CHLSN: variants seen among roughly 807,000 people sequenced by gnomAD.
The protein encoded by CHLSN is protein cholesin.
At chr7:1,021,143 C>T in the CHLSN span, among the ~76,000 whole-genome samples, 6 of 151,702 alleles carry the variant, frequency 4.0e-5, no homozygotes, top group African/African-American at 7.3e-5. Context: ...TGGAGACATT[C>T]CAGTAGGGAC....
chr7:1,115,592 G>GA, the CHLSN span, among the ~76,000 whole-genome samples: 3 of 102,338 alleles, frequency 2.9e-5, no homozygotes, highest in African/African-American at 1.1e-4. Flanking sequence ...AGGCAGGATG[G>GA]CATCACTACA....
At chr7:1,098,098 A>T in the CHLSN span, among the ~76,000 whole-genome samples, 1 of 152,170 alleles carries the variant, frequency 6.6e-6, no homozygotes, top group Admixed American at 6.5e-5. Context: ...CTCAAAGTCC[A>T]TTTCCCGAGA....
chr7:1,024,559 A>C, the CHLSN span: 1 of 152,214 alleles, frequency 6.6e-6, no homozygotes, highest in African/African-American at 2.4e-5. Flanking sequence ...CCAAGGGTGA[A>C]AATGGAAACC....
the CHLSN span, among the ~76,000 whole-genome samples, chr7:1,114,464 A>C: frequency 6.6e-6 from 1 of 152,344 alleles, no homozygotes; most frequent in South Asian, 2.1e-4. Flanking sequence ...TTAGACTCGG[A>C]GAATGAAACT....
the CHLSN span, among the ~76,000 whole-genome samples, chr7:1,041,399 C>T: frequency 8.0e-6 from 1 of 124,914 alleles, no homozygotes; most frequent in South Asian, 2.4e-4. Context: ...CTGGGGTCCG[C>T]GCTGCGGGGA....
At chr7:1,085,322 G>A in the CHLSN span, among the ~76,000 whole-genome samples, 5 of 152,188 alleles carry the variant, frequency 3.3e-5, no homozygotes, top group Non-Finnish European at 7.3e-5. Context: ...GGAAATCAGT[G>A]CCTGAAAAGA....
At chr7:1,010,158 A>G in the CHLSN span, 1 of 1,603,366 alleles carries the variant, frequency 6.2e-7, no homozygotes, top group East Asian at 2.2e-5. Flanking sequence ...AAGTCAAGGA[A>G]CACATTAGGC....
At chr7:1,023,663 A>ACC in the CHLSN span, among the ~76,000 whole-genome samples, 1 of 105,936 alleles carries the variant, frequency 9.4e-6, no homozygotes, top group Non-Finnish European at 2.3e-5. This position sits in a 1 kb window ranked among gnomAD's most constrained non-coding sequence, Gnocchi z 5.0. Flanking sequence ...ACACACACAC[A>ACC]CACACACACA....
chr7:983,296 G>T, the CHLSN span: 1 of 1,542,918 alleles, frequency 6.5e-7, no homozygotes. Flanking sequence ...CTCCCCAGCT[G>T]CCCGGTGGCC....
the CHLSN span, among the ~76,000 whole-genome samples, chr7:1,077,454 C>A: frequency 4.6e-5 from 7 of 152,346 alleles, no homozygotes; most frequent in East Asian, 1.4e-3. Flanking sequence ...TGCACCTGGC[C>A]TCAGGTCCTA....
At chr7:992,656 G>A in the CHLSN span, among the ~76,000 whole-genome samples, 1 of 152,246 alleles carries the variant, frequency 6.6e-6, no homozygotes, top group South Asian at 2.1e-4. Flanking sequence ...GGAACCCAGA[G>A]GCTGGAAGCC....
chr7:1,083,962 G>A, the CHLSN span, among the ~76,000 whole-genome samples: 16 of 152,358 alleles, frequency 1.1e-4, no homozygotes, highest in Non-Finnish European at 1.8e-4. Context: ...GAGAGACGAA[G>A]TCACTGTGGG....
the CHLSN span, among the ~76,000 whole-genome samples, chr7:1,131,394 G>A: frequency 6.6e-6 from 1 of 152,082 alleles, no homozygotes; most frequent in African/African-American, 2.4e-5. Flanking sequence ...CAGAAACCAA[G>A]GAGACAGTCA....
the CHLSN span, among the ~76,000 whole-genome samples, chr7:1,079,604 C>A: frequency 1.3e-5 from 2 of 152,160 alleles, no homozygotes; most frequent in African/African-American, 2.4e-5. Context: ...ATCTGCACAA[C>A]CCCCCTCCCT....
the CHLSN span, among the ~76,000 whole-genome samples, chr7:1,082,773 G>A: frequency 1.3e-5 from 2 of 152,242 alleles, no homozygotes; most frequent in Non-Finnish European, 2.9e-5. Context: ...GCAGAGAACA[G>A]GCAGTGTTCC....
chr7:1,063,952 C>A, the CHLSN span, among the ~76,000 whole-genome samples: 3 of 152,250 alleles, frequency 2.0e-5, no homozygotes, highest in Admixed American at 6.5e-5. Flanking sequence ...GATGGAAGAC[C>A]CCTCAGAAAC....
chr7:1,017,491 C>T, the CHLSN span, among the ~76,000 whole-genome samples: 2 of 152,158 alleles, frequency 1.3e-5, no homozygotes, highest in African/African-American at 4.8e-5. Context: ...GGTGACGGGG[C>T]CAGGGCTCCA....
chr7:1,022,913 C>T, the CHLSN span: 1 of 426,760 alleles, frequency 2.3e-6, no homozygotes. Context: ...CCGCGGCGAG[C>T]TGGCCACTCC....
the CHLSN span, among the ~76,000 whole-genome samples, chr7:1,001,022 G>C: frequency 1.3e-5 from 2 of 152,214 alleles, no homozygotes; most frequent in African/African-American, 2.4e-5. Context: ...GCTCCCGGCT[G>C]CTAGAGGGGC....
Sources: gnomAD v4.1 joint callset for allele counts (sites outside exome capture counted in the v4.1 genomes callset) on GRCh38, gnomAD v4.1.1 for gene constraint, Gnocchi (gnomAD v3.1) non-coding constraint, MANE v1.5 for transcripts, NCBI Gene and HGNC (gene_info 2026-07-23, HGNC 2026-07-21) for gene names.